Variants in CLCN7 observed in about 807,000 individuals in gnomAD.
CLCN7 encodes H(+)/Cl(-) exchange transporter 7.
A neutral mutation model predicts 102.1 loss-of-function variants in CLCN7; 60 were observed. The ratio of observed to expected loss-of-function variants is 0.59; its 90% CI spans 0.48 to 0.73. CLCN7 has a LOEUF of 0.73. CLCN7 is among the 30% of genes least tolerant of loss of function. CLCN7 has a pLI of 0.00. For synonymous variants in CLCN7, 560 were observed against 490.5 expected (o/e 1.14, Z -1.87); for missense variants, 962 against 1,125.7 (o/e 0.85, Z 2.08).
rs766969727 is a variant in CLCN7 at position 1,457,800 on chromosome 16, G to A, written c.676-44C>T. 31 of 1,575,204 alleles carry A rather than the reference G, an allele frequency of 2.0e-5. No homozygotes were observed. The highest frequency in any genetic ancestry group is 7.7e-5 in the South Asian group (7 of 90,384). On this transcript the variant is annotated intron_variant, in intron 7 of 24. Transcript: ENST00000382745. The surrounding 1 kb of genome is among the most constrained non-coding windows in gnomAD (Gnocchi z 5.4). The stretch of plus-strand genomic sequence containing the variant: ...CATGGCCTCTGATGAAAAGGCAGGC[G>A]CTGTCTTTGGACCTGAGCCGTAAAA...
chr16:1,447,247 A>T (rs2038663141), intron 23 of CLCN7, 145 bp downstream of exon 23: 1 of 1,168,426 alleles, frequency 8.6e-7, no homozygotes, highest in Non-Finnish European at 1.2e-6. Flanking sequence ...TTCAGCTCTA[A>T]AGCCTGCCAG....
At position 1,457,764 on chromosome 16, in the gene CLCN7, A is replaced by G; in HGVS notation, c.676-8T>C. ...CACTTTGATCACCAACGTCTGAAACACAGGGAGACGCATGGCCTCTGATGA... is the reference window on the plus strand; with the variant it reads ...CACTTTGATCACCAACGTCTGAAACGCAGGGAGACGCATGGCCTCTGATGA... On this transcript the variant is annotated splice_region_variant and splice_polypyrimidine_tract_variant and intron_variant, in intron 7 of 24. Coordinates refer to ENST00000382745, the MANE Select transcript of CLCN7 (RefSeq NM_001287.6). The surrounding 1 kb of genome is among the most constrained non-coding windows in gnomAD (Gnocchi z 5.4). 1.2e-6 allele frequency: 2 copies of G among 1,613,732 alleles called. No individual in the cohort carries two copies. Among genetic ancestry groups the G allele is most frequent in the Non-Finnish European group, 1.7e-6 (2 of 1,179,884 alleles).
At chr16:1,452,992 C>G in intron 14 of CLCN7, 99 bp from the exon 15 acceptor site, 2 of 1,482,426 alleles carry the variant, frequency 1.3e-6, no homozygotes, top group Non-Finnish European at 1.8e-6. Context: ...ACACTGGGCC[C>G]GTGGTGCTTT....
In CLCN7 at chr16:1,465,268, G is replaced by T. The variant is rs145267254; in HGVS notation, c.212C>A (p.Pro71Gln). 3 of 1,613,302 alleles carry T rather than the reference G, an allele frequency of 1.9e-6. No individual in the cohort carries two copies. The highest frequency in any genetic ancestry group is 2.7e-5 in the African/African-American group (2 of 74,936). Residue 71 changes from proline to glutamine, a missense_variant and splice_region_variant, in exon 2 of 25, where the codon CCG (proline) becomes CAG (glutamine). Coordinates refer to ENST00000382745, the MANE Select transcript of CLCN7 (RefSeq NM_001287.6). Reference sequence around the variant, plus strand: ...GGACGGGGAACACCCCCAACTCACCGGGTCCAAAAGTTCATCATCCAGCTC... The same window carrying T: ...GGACGGGGAACACCCCCAACTCACCTGGTCCAAAAGTTCATCATCCAGCTC... ...SVELDDELLD[P>Q]DMDPPHPFPK...
At position 1,455,728 on chromosome 16, in the gene CLCN7, T is replaced by G. The variant is rs112146468; in HGVS notation, c.981+3A>C. 6.2e-7 allele frequency: 1 copy of G among 1,613,718 alleles called. No homozygotes were observed. The highest frequency in any genetic ancestry group is 8.5e-7 in the Non-Finnish European group (1 of 1,179,962). ...CAGGAGGCAGCCATCAGCAGGAACTTACGATCCTCCAGGTCAGGAACTGGT... is the reference window on the plus strand; with the variant it reads ...CAGGAGGCAGCCATCAGCAGGAACTGACGATCCTCCAGGTCAGGAACTGGT... On this transcript the variant is annotated splice_donor_region_variant and intron_variant, in intron 11 of 24. Transcript: ENST00000382745.
At chr16:1,449,705 C>CTG in intron 17 of CLCN7, 1 of 315,078 alleles carries the variant, frequency 3.2e-6, no homozygotes, top group Non-Finnish European at 5.9e-6. Context: ...ATGGAGGCTG[C>CTG]AGAAAGCGGG....
At position 1,461,484 on chromosome 16, in the gene CLCN7, C is replaced by T. The variant is rs1404321313; in HGVS notation, c.286-14G>A. 1 of 1,588,244 alleles carries T rather than the reference C, an allele frequency of 6.3e-7. No individual in the cohort carries two copies. The highest frequency in any genetic ancestry group is 1.1e-5 in the South Asian group (1 of 88,078). On this transcript the variant is annotated splice_polypyrimidine_tract_variant and intron_variant, in intron 3 of 24. Transcript: ENST00000382745. ...ATAGTCCAAGCTCTGCAGGCCGGGACAGCAAGGGCAGCACTCAGCACCGAA... is the reference window on the plus strand; with the variant it reads ...ATAGTCCAAGCTCTGCAGGCCGGGATAGCAAGGGCAGCACTCAGCACCGAA...
chr16:1,447,306 C>A (rs1001180202), intron 23 of CLCN7, 86 bp downstream of exon 23: 59 of 1,386,340 alleles, frequency 4.3e-5, no homozygotes, highest in East Asian at 2.8e-4. Flanking sequence ...TGTGGCCCCC[C>A]CCGGCTGCCC....
At chr16:1,449,617 C>G (rs1339799976) in intron 17 of CLCN7, 1 of 510,420 alleles carries the variant, frequency 2.0e-6, no homozygotes, top group Non-Finnish European at 3.5e-6. Flanking sequence ...GGAGCACCGT[C>G]CAGCATGAGG....
chr16:1,465,192 C>T lies in CLCN7; in HGVS notation c.213+75G>A. ...GCCCCACTATCTCCCTGCCGCTCGG[C>T]CCGTGCCCATCCCTGTCACCCTCTG... On this transcript the variant is annotated intron_variant, in intron 2 of 24. Transcript: ENST00000382745. 2.1e-6 allele frequency: 3 copies of T among 1,436,444 alleles called. No individual in the cohort carries two copies. The South Asian group carries it at 3.5e-5, about 17-fold the overall frequency. 89.0% of individuals were successfully genotyped at this position (1,436,444 alleles called of 1,614,324 possible).
At position 1,457,429 on chromosome 16, in the gene CLCN7, C is replaced by T. The variant is rs572156722; in HGVS notation, c.739-92G>A. 5.6e-5 allele frequency: 58 copies of T among 1,032,148 alleles called. No homozygotes were observed. Among genetic ancestry groups the T allele is most frequent in the Middle Eastern group, 4.7e-4 (2 of 4,226 alleles). 63.9% of individuals were successfully genotyped at this position (1,032,148 alleles called of 1,614,324 possible). A position where few individuals can be genotyped will look rare whatever the true frequency, so the allele number is the denominator to read the frequency against. On this transcript the variant is annotated intron_variant, in intron 8 of 24. Transcript: ENST00000382745. This position sits in a 1 kb window ranked among gnomAD's most constrained non-coding sequence, Gnocchi z 5.4. ...CCGATGCTCAGAGACACGCGTGACG[C>T]GGCCCTTCCTGGAGACCAGAAGGAC...
intron 4 of CLCN7, 86 bp from the exon 5 acceptor site, chr16:1,461,034 G>T (rs2038928154): frequency 6.5e-7 from 1 of 1,531,770 alleles, no homozygotes; most frequent in African/African-American, 1.4e-5. Flanking sequence ...CCGCCTGCAG[G>T]CCCCGGGATT....
intron 18 of CLCN7, 26 bp from the exon 19 acceptor site, chr16:1,449,119 C>A (rs2038702166): frequency 1.2e-6 from 2 of 1,612,634 alleles, no homozygotes; most frequent in Admixed American, 3.3e-5. Flanking sequence ...TGAACCCCAG[C>A]ACGTCCACCC....
Position 1,461,580 on chromosome 16 carries a change from CA to C in CLCN7, c.285+22del, listed in dbSNP as rs556418402. The C allele has an allele frequency of 2.7e-4, 431 of 1,613,006 alleles. 2 individuals are homozygous for C. The South Asian group carries it at 4.2e-3, about 16-fold the overall frequency. On this transcript the variant is annotated intron_variant, in intron 3 of 24. Transcript: ENST00000382745. ...GGGGGCAGAGGCCGGGTCTCAGGGTCAGGGGGACAGAAGGACGCCCACCTCA... is the reference window on the plus strand; with the variant it reads ...GGGGGCAGAGGCCGGGTCTCAGGGTCGGGGGACAGAAGGACGCCCACCTCA...
intron 16 of CLCN7, among the ~76,000 whole-genome samples, chr16:1,451,146 C>T (rs1036170792): frequency 1.4e-4 from 21 of 152,224 alleles, no homozygotes; most frequent in Middle Eastern, 3.2e-3. Context: ...TCTGCGCTTC[C>T]GTGAAACACT....
At chr16:1,464,873 C>T (rs921872006) in intron 2 of CLCN7, among the ~76,000 whole-genome samples, 1 of 152,132 alleles carries the variant, frequency 6.6e-6, no homozygotes, top group East Asian at 1.9e-4. Context: ...GCTCAGGACT[C>T]CCAGGGCAGC....
chr16:1,458,582 G>A (rs991578217), intron 7 of CLCN7, among the ~76,000 whole-genome samples: 2 of 152,224 alleles, frequency 1.3e-5, no homozygotes, highest in Non-Finnish European at 2.9e-5. Context: ...GGGGGCAGCG[G>A]CCATGCTGCC....
intron 1 of CLCN7, among the ~76,000 whole-genome samples, chr16:1,472,966 C>T (rs1413362031): frequency 6.6e-6 from 1 of 150,718 alleles, no homozygotes; most frequent in Non-Finnish European, 1.5e-5. Context: ...CAGGGTTTCA[C>T]TATTTTGCCC....
intron 9 of CLCN7, among the ~76,000 whole-genome samples, chr16:1,456,473 C>T (rs1330148408): frequency 6.6e-6 from 1 of 152,226 alleles, no homozygotes; most frequent in African/African-American, 2.4e-5. Context: ...AAAACCTCTA[C>T]CCTCTAACGA....
Sources: allele counts gnomAD v4.1 joint callset (sites outside exome capture counted in the v4.1 genomes callset), GRCh38; gene constraint gnomAD v4.1.1; non-coding constraint Gnocchi (gnomAD v3.1); transcripts MANE v1.5; gene names NCBI Gene and HGNC (gene_info 2026-07-23, HGNC 2026-07-21).